YES1: variants seen among roughly 807,000 people sequenced by gnomAD.
The protein encoded by YES1 is tyrosine-protein kinase Yes.
YES1 carries 39 observed loss-of-function variants against 70.4 expected under a neutral mutation model. That is an observed-to-expected ratio of 0.55 (90% confidence interval 0.43 to 0.72). The LOEUF (loss-of-function observed/expected upper bound fraction) is 0.72, where lower values mean the gene tolerates loss of function less well. YES1 is among the 30% of genes least tolerant of loss of function. The pLI is 0.00. For missense variants in YES1, 495 were observed against 644.8 expected, an observed-to-expected ratio of 0.77 and a Z score of 2.52; for synonymous variants, 198 against 218.6, an observed-to-expected ratio of 0.91 and a Z score of 0.83.
chr18:807,273 G>A (rs1031867570), intron 1 of YES1, among the ~76,000 whole-genome samples: 2 of 151,436 alleles, frequency 1.3e-5, no homozygotes, highest in Non-Finnish European at 2.9e-5. Flanking sequence ...GGCAGAGGTT[G>A]CAGTGAGCCA....
At chr18:794,654 CT>C (rs1906446069) in intron 1 of YES1, among the ~76,000 whole-genome samples, 1 of 152,182 alleles carries the variant, frequency 6.6e-6, no homozygotes, top group South Asian at 2.1e-4. Context: ...TATGCTCCCC[CT>C]GACACTCTGG....
intron 1 of YES1, among the ~76,000 whole-genome samples, chr18:806,241 A>G (rs1465797402): frequency 6.6e-6 from 1 of 152,232 alleles, no homozygotes; most frequent in Admixed American, 6.5e-5. Flanking sequence ...TTCTTCACTA[A>G]AATAGTACAA....
chr18:793,919 A>G (rs1906402832), intron 1 of YES1, among the ~76,000 whole-genome samples: 1 of 152,146 alleles, frequency 6.6e-6, no homozygotes. Context: ...TCCATAAGTC[A>G]CTCTGATAAA....
chr18:796,562 G>A (rs974532573), intron 1 of YES1, among the ~76,000 whole-genome samples: 5 of 152,272 alleles, frequency 3.3e-5, no homozygotes, highest in African/African-American at 1.2e-4. Flanking sequence ...AAGGTCAGGA[G>A]CTCAAGACCA....
chr18:778,064 A>T (rs773862269), intron 1 of YES1, among the ~76,000 whole-genome samples: 1 of 152,140 alleles, frequency 6.6e-6, no homozygotes, highest in African/African-American at 2.4e-5. Flanking sequence ...ATTATTATTT[A>T]ATTTGATCCC....
rs559809352 is a variant in YES1, at chr18:793,996, A to C, written c.-9+18118T>G. ...ACTAAACTTGGAGTAAGAGAGCTACACATTCAGCACACGTATCCCAGAACA... is the reference window on the plus strand; with the variant it reads ...ACTAAACTTGGAGTAAGAGAGCTACCCATTCAGCACACGTATCCCAGAACA... On this transcript the variant is annotated intron_variant, in intron 1 of 11. Coordinates refer to ENST00000314574, the MANE Select transcript of YES1 (RefSeq NM_005433.4). 2.6e-5 allele frequency among the ~76,000 whole-genome samples: 4 copies of C among 152,364 alleles called. No individual in the cohort carries two copies. In the East Asian group the frequency reaches 5.8e-4, roughly 22 times the overall value.
intron 1 of YES1, among the ~76,000 whole-genome samples, chr18:788,454 T>C (rs765257897): frequency 1.3e-5 from 2 of 152,218 alleles, no homozygotes; most frequent in African/African-American, 4.8e-5. Context: ...ACGATGTGTA[T>C]ATATTTAAAA....
At chr18:734,398 CA>C (rs903168959) in intron 10 of YES1, among the ~76,000 whole-genome samples, 20 of 134,010 alleles carry the variant, frequency 1.5e-4, no homozygotes, top group South Asian at 2.3e-4. Context: ...ACTAAAAATA[CA>C]AAAAAAAAAA....
At chr18:770,662 C>G (rs1905112048) in intron 1 of YES1, among the ~76,000 whole-genome samples, 1 of 152,144 alleles carries the variant, frequency 6.6e-6, no homozygotes, top group Admixed American at 6.5e-5. Flanking sequence ...AGGCAAAAAG[C>G]CAGGGTGGGT....
At chr18:735,959 C>A in intron 10 of YES1, 1 of 152,552 alleles carries the variant, frequency 6.6e-6, no homozygotes, top group South Asian at 2.0e-4. Context: ...CTGCTTGAGC[C>A]CAGAAGTTCG....
At chr18:755,591 A>T (rs913017605) in intron 2 of YES1, among the ~76,000 whole-genome samples, 6 of 152,122 alleles carry the variant, frequency 3.9e-5, no homozygotes, top group Non-Finnish European at 7.4e-5. Context: ...GACTGAAGAG[A>T]CAAATGTATA....
rs115288319 is a variant in YES1, at chr18:775,623, C to T, written c.-8-18788G>A. Among the ~76,000 whole-genome samples, 37 of 152,156 alleles carry T rather than the reference C, an allele frequency of 2.4e-4. 1 individual carries two copies. The highest frequency in any genetic ancestry group is 8.7e-4 in the African/African-American group (36 of 41,488). On this transcript the variant is annotated intron_variant, in intron 1 of 11. Coordinates refer to ENST00000314574, the MANE Select transcript of YES1 (RefSeq NM_005433.4). ...ACCACCCTGAGCAACATAATGAGAC[C>T]TCATCTCTACAAAAAGTAAAAAAAT... is the stretch of plus-strand genomic sequence containing the variant.
chr18:745,661 A>G, intron 6 of YES1, 47 bp downstream of exon 6: 1 of 1,536,504 alleles, frequency 6.5e-7, no homozygotes, highest in African/African-American at 1.4e-5. Context: ...TGTCCTCATA[A>G]ACTAGAATAT....
chr18:744,500 C>T (rs1236651893), intron 6 of YES1, among the ~76,000 whole-genome samples: 1 of 151,614 alleles, frequency 6.6e-6, no homozygotes, highest in Non-Finnish European at 1.5e-5. Context: ...AGTGATTCTC[C>T]TGCCTCAGCC....
intron 1 of YES1, among the ~76,000 whole-genome samples, chr18:762,894 A>T (rs1046129103): frequency 6.6e-6 from 1 of 152,250 alleles, no homozygotes; most frequent in Admixed American, 6.5e-5. Context: ...AAAATGCTAG[A>T]GTGTGACAAA....
intron 1 of YES1, among the ~76,000 whole-genome samples, chr18:793,491 T>A (rs1392609753): frequency 2.6e-5 from 4 of 152,068 alleles, no homozygotes; most frequent in Non-Finnish European, 5.9e-5. Context: ...CATCTGCCAC[T>A]ACACCCAACT....
chr18:764,511 C>T (rs1032261423), intron 1 of YES1, among the ~76,000 whole-genome samples: 24 of 152,232 alleles, frequency 1.6e-4, no homozygotes, highest in Middle Eastern at 6.8e-3. Context: ...CGTGAGCCAC[C>T]GTGCCTGGCC....
chr18:736,205 AGGAAGGCATTCCAGATG>A (rs2080151059), intron 10 of YES1: 1 of 46,162 alleles, frequency 2.2e-5, no homozygotes, highest in African/African-American at 1.1e-4. Flanking sequence ...CATTACAGAT[AGGAAGGCATTCCAGATG>A]GAGGTAACTG....
At chr18:759,399 G>A (rs1036660395) in intron 1 of YES1, among the ~76,000 whole-genome samples, 1 of 152,158 alleles carries the variant, frequency 6.6e-6, no homozygotes, top group Non-Finnish European at 1.5e-5. Context: ...CCCAGGAGGC[G>A]GAGGTTGCAG....
Sources: allele counts gnomAD v4.1 joint callset (sites outside exome capture counted in the v4.1 genomes callset), GRCh38; gene constraint gnomAD v4.1.1; transcripts MANE v1.5; gene names NCBI Gene and HGNC (gene_info 2026-07-23, HGNC 2026-07-21).